Variants in RASA2 observed in about 807,000 individuals in gnomAD.
The protein encoded by RASA2 is RAS p21 protein activator 2.
In RASA2, 155 loss-of-function variants were observed where a neutral mutation model predicts 118.2. The observed-to-expected ratio is 1.31, with a 90% confidence interval of 1.15 to 1.50. The LOEUF (loss-of-function observed/expected upper bound fraction) is 1.50, where lower values mean the gene tolerates loss of function less well. Ranked by LOEUF, RASA2 falls within the 40% of genes most tolerant of loss-of-function variation. RASA2 has a pLI of 0.00. For missense variants in RASA2, 1,016 were observed against 1,009.6 expected (o/e 1.01, Z -0.09); for synonymous variants, 353 against 349.1 (o/e 1.01, Z -0.12).
chr3:141,566,061 G>C (rs2151124894), intron 9 of RASA2, among the ~76,000 whole-genome samples: 1 of 152,206 alleles, frequency 6.6e-6, no homozygotes, highest in South Asian at 2.1e-4. Flanking sequence ...ATTTTTAAAT[G>C]AATTAATATA....
At chr3:141,487,793 G>A (rs2081596436) in intron 1 of RASA2, among the ~76,000 whole-genome samples, 1 of 152,160 alleles carries the variant, frequency 6.6e-6, no homozygotes, top group Non-Finnish European at 1.5e-5. Context: ...GGGCCGCCCT[G>A]GGGCCCGAGT....
chr3:141,555,676 G>A (rs2082638999), intron 6 of RASA2, among the ~76,000 whole-genome samples, 164 bp from the exon 7 acceptor site: 1 of 151,666 alleles, frequency 6.6e-6, no homozygotes, highest in African/African-American at 2.4e-5. Flanking sequence ...TTTGATTTGA[G>A]TTTATAAGGA....
At position 141,586,781 on chromosome 3, in the gene RASA2, T is replaced by C. The variant is rs80091242; in HGVS notation, c.1933+29T>C. ...GTTGTGTTTATGCTTTATTGTGGGG[T>C]TTTTCCTGGTTCTCAGTGAAGGTTT... On this transcript the variant is annotated intron_variant, in intron 19 of 23. Transcript: ENST00000286364. 1.8e-3 allele frequency: 2,735 copies of C among 1,547,146 alleles called. 42 individuals are homozygous for C. In the African/African-American group the frequency reaches 0.031, roughly 17 times the overall value.
chr3:141,584,363 A>G (rs536969488), intron 17 of RASA2, among the ~76,000 whole-genome samples: 9 of 151,760 alleles, frequency 5.9e-5, no homozygotes, highest in Non-Finnish European at 1.2e-4. Flanking sequence ...AAAGAAAGGA[A>G]AAAGGAATCG....
chr3:141,599,506 T>C (rs2083430717), intron 19 of RASA2, among the ~76,000 whole-genome samples: 1 of 152,212 alleles, frequency 6.6e-6, no homozygotes, highest in Non-Finnish European at 1.5e-5. Flanking sequence ...AAAAATGACA[T>C]GCACTTTAAT....
intron 4 of RASA2, among the ~76,000 whole-genome samples, chr3:141,532,144 A>G (rs2082269003): frequency 6.6e-6 from 1 of 152,126 alleles, no homozygotes; most frequent in Non-Finnish European, 1.5e-5. Context: ...GGTAAATAGC[A>G]TCACCTGCAT....
At chr3:141,602,485 TG>T (rs2083479965) in intron 19 of RASA2, among the ~76,000 whole-genome samples, 1 of 152,310 alleles carries the variant, frequency 6.6e-6, no homozygotes, top group African/African-American at 2.4e-5. Flanking sequence ...CTGCTCCTGC[TG>T]GGTGGCCCAG....
chr3:141,570,935 A>G lies in RASA2; in HGVS notation c.887A>G (p.Asn296Ser), dbSNP rs745571162. ...QAWYLLQPRD[N>S]GNKSSKTDDL... The stretch of plus-strand genomic sequence containing the variant: ...AGGTACTTGCTACAGCCAAGAGACA[A>G]TGGAAACAAGTCATCCAAAACTGAT... Residue 296 changes from asparagine (N) to serine (S), a missense_variant, in exon 10 of 24, where the codon AAT (asparagine) becomes AGT (serine). Asn to Ser is a conservative substitution (Grantham distance 46). This residue lies in a region of RASA2 where 896 missense variants were observed against 836.4 expected (regional missense o/e 1.07). Transcript: ENST00000286364. 8.1e-6 allele frequency: 13 copies of G among 1,608,878 alleles called. No individual in the cohort carries two copies. The highest frequency in any genetic ancestry group is 1.0e-5 in the Non-Finnish European group (12 of 1,178,348).
intron 19 of RASA2, among the ~76,000 whole-genome samples, chr3:141,594,044 A>G (rs1228234311): frequency 1.3e-5 from 2 of 152,210 alleles, no homozygotes; most frequent in African/African-American, 4.8e-5. Flanking sequence ...AAATATTTCA[A>G]GGACTTAGTG....
chr3:141,553,922 C>T lies in RASA2; in HGVS notation c.593C>T (p.Ser198Phe). Residue 198 changes from serine to phenylalanine, a missense_variant, in exon 6 of 24, where the codon TCT becomes TTT. Physicochemically the swap from Ser to Phe is radical, Grantham distance 155. Around this residue, in one of 2 missense-constraint regions of RASA2, gnomAD observed 896 missense variants for 836.4 expected, o/e 1.07. Transcript: ENST00000286364. ...AGCTGTGACCCTTATGCAACAGTTTCTCTAGTGGGCCCTTCTAGGTAATAT... is the reference window on the plus strand; with the variant it reads ...AGCTGTGACCCTTATGCAACAGTTTTTCTAGTGGGCCCTTCTAGGTAATAT... The part of the protein sequence containing the change: ...GQSCDPYATV[S>F]LVGPSRNDQK... The T allele has an allele frequency of 6.2e-7, 1 of 1,611,868 alleles. No homozygotes were observed. Among genetic ancestry groups the T allele is most frequent in the Non-Finnish European group, 8.5e-7 (1 of 1,178,746 alleles).
Position 141,492,109 on chromosome 3 carries a change from T to C in RASA2, c.133+4893T>C, listed in dbSNP as rs112760469. ...GTTCACAGAGCAGTCTGCTAATCAT[T>C]TGCTCTGTGGAAGACGGGAGGTAAA... is the stretch of plus-strand genomic sequence containing the variant. On this transcript the variant is annotated intron_variant, in intron 1 of 23. Transcript: ENST00000286364. Among the ~76,000 whole-genome samples, 1,305 of 152,334 alleles carry C rather than the reference T, an allele frequency of 8.6e-3. 21 individuals carry two copies. Among genetic ancestry groups the C allele is most frequent in the African/African-American group, 0.025 (1,049 of 41,566 alleles).
At position 141,516,242 on chromosome 3, in the gene RASA2, GTATT is replaced by G. The variant is rs1487422286; in HGVS notation, c.252-82_252-79del. 5 of 891,064 alleles carry G rather than the reference GTATT, an allele frequency of 5.6e-6. No individual in the cohort carries two copies. In the African/African-American group the frequency reaches 7.2e-5, roughly 13 times the overall value. 55.2% of individuals were successfully genotyped at this position (891,064 alleles called of 1,614,324 possible). A position where few individuals can be genotyped will look rare whatever the true frequency, so the allele number is the denominator to read the frequency against. The stretch of plus-strand genomic sequence containing the variant: ...AAAAAAAGAAAGTGATATTATTTGA[GTATT>G]TATACAATTATTATTGAAAGTGATA... On this transcript the variant is annotated intron_variant, in intron 2 of 23. Transcript: ENST00000286364.
At chr3:141,516,532 C>T (rs1228062989) in intron 3 of RASA2, 101 bp downstream of exon 3, 2 of 881,774 alleles carry the variant, frequency 2.3e-6, no homozygotes, top group Non-Finnish European at 3.0e-6. Context: ...ATATGCTCAA[C>T]ATCTCTGATC....
intron 1 of RASA2, among the ~76,000 whole-genome samples, chr3:141,507,040 T>C (rs1420690889): frequency 1.3e-5 from 2 of 152,146 alleles, no homozygotes; most frequent in Non-Finnish European, 2.9e-5. Flanking sequence ...TGAAGAAATA[T>C]TTTGTGAAGG....
At chr3:141,518,597 G>C (rs1577672657) in intron 3 of RASA2, among the ~76,000 whole-genome samples, 1 of 145,198 alleles carries the variant, frequency 6.9e-6, no homozygotes, top group Non-Finnish European at 1.5e-5. Context: ...CAAATGGTCT[G>C]TGTCAGTCCT....
In RASA2 at chr3:141,555,885, G is replaced by A. The variant is rs34238772; in HGVS notation, c.657G>A (p.Pro219=). The A allele has an allele frequency of 1.3e-3, 2,157 of 1,611,060 alleles. 28 individuals carry two copies. In the African/African-American group the frequency reaches 0.025, roughly 19 times the overall value. ...AAGTAAAGAAGAAAACAAGCAATCC[G>A]CAGTTTAATGAAATCTTTTATTTTG... ...KTKVKKKTSN[P]QFNEIFYFEV... Residue 219 remains proline (P), a synonymous_variant, in exon 7 of 24, where the codon CCG becomes CCA. Transcript: ENST00000286364.
intron 1 of RASA2, among the ~76,000 whole-genome samples, chr3:141,495,365 CTATT>C (rs1260854914): frequency 2.0e-5 from 3 of 152,068 alleles, no homozygotes; most frequent in Non-Finnish European, 2.9e-5. Context: ...TTATGCCTCT[CTATT>C]TATTATGTCC....
In RASA2 at chr3:141,597,643, A is replaced by T. The variant is rs533404384; in HGVS notation, c.1934-10035A>T. On this transcript the variant is annotated intron_variant, in intron 19 of 23. Transcript: ENST00000286364. ...TCACCTTAATAAAGCTTTTATTTTT[A>T]AAAAAAGAAAGGATAAAATCAAATA... is the stretch of plus-strand genomic sequence containing the variant. Among the ~76,000 whole-genome samples, 56 of 152,296 alleles carry T rather than the reference A, an allele frequency of 3.7e-4. No homozygotes were observed. The South Asian group carries it at 7.7e-3, about 21-fold the overall frequency.
At chr3:141,546,100 G>A (rs1024337397) in intron 5 of RASA2, among the ~76,000 whole-genome samples, 8 of 152,054 alleles carry the variant, frequency 5.3e-5, no homozygotes, top group South Asian at 2.1e-4. Context: ...TTATCAGTTC[G>A]CCTGTTGATG....
Sources: gnomAD v4.1 joint callset for allele counts (sites outside exome capture counted in the v4.1 genomes callset) on GRCh38, gnomAD v4.1.1 for gene constraint, gnomAD v4.1.1 regional missense constraint, MANE v1.5 for transcripts, NCBI Gene and HGNC (gene_info 2026-07-23, HGNC 2026-07-21) for gene names.